DHX57: variants seen among roughly 807,000 people sequenced by gnomAD.
DHX57 encodes DExH-box helicase 57.
DHX57 carries 105 observed loss-of-function variants against 156.2 expected under a neutral mutation model. The observed-to-expected ratio is 0.67, with a 90% confidence interval of 0.57 to 0.79. The LOEUF is 0.79. Among genes scored for constraint, DHX57 ranks in the 30% least tolerant of loss-of-function variants. The probability of loss-of-function intolerance (pLI) is 0.00; values close to 1 mark genes in which losing one functional copy is unlikely to be tolerated. For missense variants in DHX57, 1,847 were observed against 1,661.9 expected (o/e 1.11, Z -1.94); for synonymous variants, 704 against 595.6 (o/e 1.18, Z -2.65).
chr2:38,830,623 C>T (rs1346744688), intron 13 of DHX57, among the ~76,000 whole-genome samples: 2 of 150,074 alleles, frequency 1.3e-5, no homozygotes, highest in Non-Finnish European at 3.0e-5. Context: ...AGTGAGACTC[C>T]GTCTCAATAA....
intron 9 of DHX57, among the ~76,000 whole-genome samples, chr2:38,852,334 TC>T (rs1272222917): frequency 2.3e-4 from 16 of 68,982 alleles, no homozygotes; most frequent in Admixed American, 4.8e-4. Context: ...CTGCCACCAA[TC>T]CTTTTTTTTT....
chr2:38,848,356 C>T lies in DHX57; in HGVS notation c.2077G>A (p.Gly693Ser), dbSNP rs1279413879. The T allele has an allele frequency of 3.7e-6, 6 of 1,611,684 alleles. No individual in the cohort carries two copies. Among genetic ancestry groups the T allele is most frequent in the Non-Finnish European group, 4.2e-6 (5 of 1,179,068 alleles). The part of the protein sequence containing the change: ...VLKDIVSQRP[G>S]LQVILMSATL... ...GCACTCATTAAAATAACTTGAAGAC[C>T]TGGCCTCTGCGATACAATGTCCTTC... Residue 693 changes from glycine (G) to serine (S), a missense_variant, in exon 10 of 24, where the codon GGT becomes AGT. Gly to Ser is a moderately conservative substitution (Grantham distance 56). Coordinates refer to ENST00000457308, the MANE Select transcript of DHX57 (RefSeq NM_198963.3).
intron 11 of DHX57, 110 bp downstream of exon 11, chr2:38,846,909 G>T (rs769314445): frequency 4.0e-5 from 31 of 779,750 alleles, no homozygotes; most frequent in Non-Finnish European, 6.1e-5. Flanking sequence ...AGCTGGTCTT[G>T]AACTGGCCCC....
chr2:38,802,132 C>T (rs1669711589), intron 23 of DHX57, among the ~76,000 whole-genome samples: 1 of 152,104 alleles, frequency 6.6e-6, no homozygotes, highest in Admixed American at 6.6e-5. Flanking sequence ...GTCCAGCACC[C>T]TCACTTTACA....
chr2:38,861,857 A>T lies in DHX57; in HGVS notation c.573-20T>A. 1 of 1,553,080 alleles carries T rather than the reference A, an allele frequency of 6.4e-7. No individual in the cohort carries two copies. The highest frequency in any genetic ancestry group is 8.7e-7 in the Non-Finnish European group (1 of 1,152,166). ...CCATACCTGTCAAGGGCAAAACATG[A>T]CAAAAATGACACATAAAAAGCAGTA... is the stretch of plus-strand genomic sequence containing the variant. On this transcript the variant is annotated intron_variant, in intron 4 of 23. Coordinates refer to ENST00000457308, the MANE Select transcript of DHX57 (RefSeq NM_198963.3).
intron 17 of DHX57, among the ~76,000 whole-genome samples, chr2:38,822,639 C>T (rs1275538900): frequency 6.6e-6 from 1 of 152,038 alleles, no homozygotes; most frequent in East Asian, 1.9e-4. Context: ...AAATGATCTG[C>T]CCGCCTCCGC....
chr2:38,846,887 A>G (rs1334710346), intron 11 of DHX57, 132 bp downstream of exon 11: 3 of 554,058 alleles, frequency 5.4e-6, no homozygotes, highest in South Asian at 6.4e-5. Context: ...GGGGGTCCCA[A>G]TATGTTGCCC....
At chr2:38,865,058 A>G (rs1157843304) in intron 2 of DHX57, among the ~76,000 whole-genome samples, 2 of 152,134 alleles carry the variant, frequency 1.3e-5, no homozygotes, top group African/African-American at 4.8e-5. Flanking sequence ...CCACTCTCTT[A>G]GTTTCCTACT....
At chr2:38,813,703 G>C in intron 21 of DHX57, 118 bp downstream of exon 21, 1 of 1,143,824 alleles carries the variant, frequency 8.7e-7, no homozygotes. Flanking sequence ...AAGGGTGTGC[G>C]TGTGTGCACA....
intron 21 of DHX57, among the ~76,000 whole-genome samples, chr2:38,812,242 A>T (rs904579207): frequency 2.0e-4 from 29 of 147,234 alleles, no homozygotes; most frequent in Middle Eastern, 3.2e-3. Flanking sequence ...TCCCTTTCAT[A>T]ACCACACTAC....
At position 38,835,543 on chromosome 2, in the gene DHX57, C is replaced by T. The variant is rs529156220; in HGVS notation, c.2542+2288G>A. 6.6e-5 allele frequency among the ~76,000 whole-genome samples: 10 copies of T among 152,246 alleles called. No homozygotes were observed. The South Asian group carries it at 8.3e-4, about 13-fold the overall frequency. On this transcript the variant is annotated intron_variant, in intron 13 of 23. Coordinates refer to ENST00000457308, the MANE Select transcript of DHX57 (RefSeq NM_198963.3). The stretch of plus-strand genomic sequence containing the variant: ...CACCCAGAACCCCATGAGTTCAACA[C>T]CAAAGACACTGAAGTGATCTACTTT...
Position 38,823,031 on chromosome 2 carries a change from G to C in DHX57, c.3253C>G (p.Leu1085Val). Residue 1085 changes from leucine (L) to valine (V), a missense_variant, in exon 17 of 24, where the codon CTC becomes GTC. Transcript: ENST00000457308. ...GSIFRCLDPA[L>V]TIAASLAFKS... ...AAAGCCAAACTGGCAGCAATGGTGA[G>C]AGCAGGATCCAAACAGCGGAAGATA... 3.1e-6 allele frequency: 5 copies of C among 1,614,158 alleles called. No individual in the cohort carries two copies. The highest frequency in any genetic ancestry group is 1.1e-5 in the South Asian group (1 of 91,082).
At chr2:38,817,160 G>C (rs1484100487) in intron 19 of DHX57, among the ~76,000 whole-genome samples, 1 of 152,018 alleles carries the variant, frequency 6.6e-6, no homozygotes, top group Non-Finnish European at 1.5e-5. Flanking sequence ...TCGAACTCCT[G>C]GGCTCAAAGG....
chr2:38,829,622 C>A (rs1456422056), intron 13 of DHX57, among the ~76,000 whole-genome samples: 1 of 152,046 alleles, frequency 6.6e-6, no homozygotes. Flanking sequence ...TCTCACTATA[C>A]TGCCAAGGAT....
chr2:38,844,347 T>TAATTTTTAATAGCAGAAAATAGGA (rs1672156376), intron 11 of DHX57, among the ~76,000 whole-genome samples: 1 of 24,762 alleles, frequency 4.0e-5, no homozygotes, highest in Admixed American at 8.6e-4. Flanking sequence ...AAGAAATGAT[T>TAATTTTTAATAGCAGAAAATAGGA]AGGCCGGGCG....
chr2:38,826,189 G>A, intron 15 of DHX57, 142 bp from the exon 16 acceptor site: 1 of 913,720 alleles, frequency 1.1e-6, no homozygotes, highest in East Asian at 2.7e-5. Flanking sequence ...TGAGCCCCTG[G>A]TAGGAGCAGC....
At chr2:38,868,102 C>G in intron 2 of DHX57, 80 bp downstream of exon 2, 2 of 1,524,278 alleles carry the variant, frequency 1.3e-6, no homozygotes, top group Non-Finnish European at 1.8e-6. Context: ...GACTTTTTTT[C>G]CATTCTCAGC....
At position 38,863,453 on chromosome 2, in the gene DHX57, G is replaced by C; in HGVS notation, c.291C>G (p.Pro97=). 1 of 1,614,026 alleles carries C rather than the reference G, an allele frequency of 6.2e-7. No homozygotes were observed. The highest frequency in any genetic ancestry group is 1.1e-5 in the South Asian group (1 of 91,070). ...CAGAAGTCATATGTAGAGTCTGAAG[G>C]GGTACTTTGGCTTTGGGTTTCCATT... The part of the protein sequence containing the change: ...RPKWKPKAKV[P]LQTLHMTSEN... Residue 97 remains proline (P), a synonymous_variant, in exon 3 of 24, where the codon CCC becomes CCG. Transcript: ENST00000457308.
intron 2 of DHX57, among the ~76,000 whole-genome samples, chr2:38,867,896 T>G (rs547556823): frequency 6.6e-6 from 1 of 152,334 alleles, no homozygotes; most frequent in South Asian, 2.1e-4. Flanking sequence ...CATCAGTCTA[T>G]GATGCATAAG....
Sources: gnomAD v4.1 joint callset for allele counts (sites outside exome capture counted in the v4.1 genomes callset) on GRCh38, gnomAD v4.1.1 for gene constraint, MANE v1.5 for transcripts, NCBI Gene and HGNC (gene_info 2026-07-23, HGNC 2026-07-21) for gene names.